Variants in STK33 observed in about 807,000 individuals in gnomAD.
STK33 encodes the protein serine/threonine kinase 33, also known as serine/threonine-protein kinase 33.
In STK33, 52 loss-of-function variants were observed where a neutral mutation model predicts 58.0. The ratio of observed to expected loss-of-function variants is 0.90; its 90% CI spans 0.72 to 1.13. The LOEUF is 1.13. Ranked by LOEUF, STK33 falls within the 50% of genes most tolerant of loss-of-function variation. The pLI, the probability that STK33 is intolerant of heterozygous loss-of-function variation, is 0.00. For synonymous variants in STK33, 215 were observed against 200.1 expected (o/e 1.07, Z -0.63); for missense variants, 630 against 604.2 (o/e 1.04, Z -0.45).
At chr11:8,364,031 T>A in the STK33 span, among the ~76,000 whole-genome samples, 1 of 152,214 alleles carries the variant, frequency 6.6e-6, no homozygotes, top group Non-Finnish European at 1.5e-5. Context: ...CAACATTTCC[T>A]CCTTTGTGTT....
At chr11:8,373,476 G>A in the STK33 span, among the ~76,000 whole-genome samples, 2 of 152,256 alleles carry the variant, frequency 1.3e-5, no homozygotes, top group East Asian at 1.9e-4. Flanking sequence ...TGGGAGCTGC[G>A]AGGAAGACGA....
intron 1 of STK33, among the ~76,000 whole-genome samples, chr11:8,512,967 C>G (rs1422458068): frequency 6.6e-6 from 1 of 152,148 alleles, no homozygotes; most frequent in Non-Finnish European, 1.5e-5. Flanking sequence ...CAAGGACTTA[C>G]TATTGTAGCC....
At position 8,526,953 on chromosome 11, in the gene STK33, T is replaced by C. The variant is rs184802332; in HGVS notation, c.-465-46339A>G. Among the ~76,000 whole-genome samples the C allele has an allele frequency of 4.1e-5, 6 of 146,282 alleles. No individual in the cohort carries two copies. In the East Asian group the frequency reaches 9.9e-4, roughly 24 times the overall value. On this transcript the variant is annotated intron_variant, in intron 1 of 15. Transcript: ENST00000687296. ...AGAAAACAGGTAATTATTGTAAAAG[T>C]AAAGACAGAGATTTCCTCTTTTTTT...
At chr11:8,553,198 GGT>G (rs1231961427) in intron 1 of STK33, among the ~76,000 whole-genome samples, 4 of 54,984 alleles carry the variant, frequency 7.3e-5, no homozygotes, top group Non-Finnish European at 1.2e-4. Flanking sequence ...ATATATATAT[GGT>G]GTATATATAT....
At position 8,443,779 on chromosome 11, in the gene STK33, G is replaced by A. The variant is rs375338628; in HGVS notation, c.872-3026C>T. On this transcript the variant is annotated intron_variant, in intron 11 of 15. Coordinates refer to ENST00000687296, the MANE Select transcript of STK33 (RefSeq NM_001352389.2). ...TTTGGGAGGCCAAAACAGGAGGATC[G>A]CTTGAACCCAGGAGTTTGAGATCAG... 2.2e-3 allele frequency among the ~76,000 whole-genome samples: 329 copies of A among 152,204 alleles called. 3 individuals are homozygous for A. The highest frequency in any genetic ancestry group is 7.2e-3 in the African/African-American group (300 of 41,542).
At chr11:8,335,536 T>C in the STK33 span, among the ~76,000 whole-genome samples, 4 of 152,194 alleles carry the variant, frequency 2.6e-5, no homozygotes, top group African/African-American at 7.2e-5. Context: ...CCTGTGAAGA[T>C]GGATCTATTC....
intron 1 of STK33, among the ~76,000 whole-genome samples, chr11:8,499,578 C>T (rs1951346261): frequency 6.6e-6 from 1 of 152,112 alleles, no homozygotes; most frequent in Non-Finnish European, 1.5e-5. Flanking sequence ...TGGGTATATA[C>T]CCAAAGGATT....
chr11:8,507,764 T>C (rs1951979434), intron 1 of STK33, among the ~76,000 whole-genome samples: 1 of 152,216 alleles, frequency 6.6e-6, no homozygotes, highest in Non-Finnish European at 1.5e-5. Context: ...TCCACAAGCA[T>C]TTAATGAGCA....
rs185685626 is a variant in STK33, at chr11:8,445,767, T to C, written c.872-5014A>G. ...GGTGGATAAGCTTTTTGATGTGCTGTTGGATTCAGTTTGCCAGTATTTTAT... is the reference window on the plus strand; with the variant it reads ...GGTGGATAAGCTTTTTGATGTGCTGCTGGATTCAGTTTGCCAGTATTTTAT... On this transcript the variant is annotated intron_variant, in intron 11 of 15. Transcript: ENST00000687296. Among the ~76,000 whole-genome samples the C allele has an allele frequency of 3.3e-5, 5 of 152,138 alleles. No individual in the cohort carries two copies. In the East Asian group the frequency reaches 7.7e-4, roughly 23 times the overall value.
At chr11:8,468,432 C>G (rs981782007) in intron 6 of STK33, among the ~76,000 whole-genome samples, 5 of 152,142 alleles carry the variant, frequency 3.3e-5, no homozygotes, top group African/African-American at 9.7e-5. Flanking sequence ...TGCTTACATT[C>G]CCTTCTTTTG....
downstream of STK33, among the ~76,000 whole-genome samples, chr11:8,388,382 G>GCGGC (rs1185237908): frequency 6.6e-6 from 1 of 152,242 alleles, no homozygotes; most frequent in East Asian, 1.9e-4. Flanking sequence ...AGCCGCAGAT[G>GCGGC]CGGCCTCGCT....
chr11:8,517,270 CCTGA>C (rs1952888144), intron 1 of STK33, among the ~76,000 whole-genome samples: 1 of 152,158 alleles, frequency 6.6e-6, no homozygotes, highest in South Asian at 2.1e-4. Flanking sequence ...AGGTGAGGGT[CCTGA>C]CTGTTAGAAG....
At chr11:8,336,799 G>A in the STK33 span, among the ~76,000 whole-genome samples, 1 of 152,256 alleles carries the variant, frequency 6.6e-6, no homozygotes, top group African/African-American at 2.4e-5. Flanking sequence ...TGCCTCCTGG[G>A]CTAAGGCTGG....
chr11:8,347,608 A>G, the STK33 span, among the ~76,000 whole-genome samples: 2 of 146,316 alleles, frequency 1.4e-5, no homozygotes, highest in African/African-American at 2.5e-5. Flanking sequence ...CAGCGGTTCA[A>G]TGTTCTGCCC....
At position 8,441,989 on chromosome 11, in the gene STK33, T is replaced by C. The variant is rs561426147; in HGVS notation, c.872-1236A>G. Among the ~76,000 whole-genome samples, 6 of 151,552 alleles carry C rather than the reference T, an allele frequency of 4.0e-5. No homozygotes were observed. In the South Asian group the frequency reaches 6.3e-4, roughly 16 times the overall value. ...CTATGCAAAAGGTGCGTTTTTATTT[T>C]AGAAAAGTTTCAATCTCTCCCACCT... On this transcript the variant is annotated intron_variant, in intron 11 of 15. Coordinates refer to ENST00000687296, the MANE Select transcript of STK33 (RefSeq NM_001352389.2).
At chr11:8,397,687 C>CT (rs1849601994) in intron 15 of STK33, among the ~76,000 whole-genome samples, 1 of 151,784 alleles carries the variant, frequency 6.6e-6, no homozygotes, top group Non-Finnish European at 1.5e-5. Context: ...AGTCTGAACC[C>CT]ATGGCAAAGA....
chr11:8,397,813 T>A (rs1441750196), intron 15 of STK33, among the ~76,000 whole-genome samples: 1 of 149,736 alleles, frequency 6.7e-6, no homozygotes, highest in Non-Finnish European at 1.5e-5. Context: ...ACATGACAAA[T>A]GCATAAGCCT....
At chr11:8,421,255 A>C (rs955731540) in intron 14 of STK33, among the ~76,000 whole-genome samples, 2 of 152,198 alleles carry the variant, frequency 1.3e-5, no homozygotes, top group African/African-American at 4.8e-5. Flanking sequence ...ATTTCCACTT[A>C]GAGTTTCAAC....
chr11:8,392,802 C>G, intron 15 of STK33, 92 bp from the exon 16 acceptor site: 2 of 1,278,326 alleles, frequency 1.6e-6, no homozygotes, highest in South Asian at 1.3e-5. Flanking sequence ...CCAGGATTTG[C>G]AAGTTGGAGC....
Sources: gnomAD v4.1 joint callset for allele counts (sites outside exome capture counted in the v4.1 genomes callset) on GRCh38, gnomAD v4.1.1 for gene constraint, MANE v1.5 for transcripts, NCBI Gene and HGNC (gene_info 2026-07-23, HGNC 2026-07-21) for gene names.